The following DIAPH1 variants were observed in gnomAD, a reference collection of about 807,000 sequenced individuals.
DIAPH1 encodes diaphanous related formin 1.
DIAPH1 carries 46 observed loss-of-function variants against 140.7 expected under a neutral mutation model. That is an observed-to-expected ratio of 0.33 (90% confidence interval 0.26 to 0.42). The LOEUF (loss-of-function observed/expected upper bound fraction) is 0.42, where lower values mean the gene tolerates loss of function less well. Ranked by LOEUF, DIAPH1 falls within the 10% of genes least tolerant of loss-of-function variation. The pLI is 1.00. For missense variants in DIAPH1, 1,310 were observed against 1,558.7 expected, an observed-to-expected ratio of 0.84 and a Z score of 2.69; for synonymous variants, 565 against 551.6, an observed-to-expected ratio of 1.02 and a Z score of -0.34.
In DIAPH1 at chr5:141,596,060, T is replaced by G. The variant is rs556923402; in HGVS notation, c.118-7810A>C. 5.9e-5 allele frequency among the ~76,000 whole-genome samples: 9 copies of G among 152,258 alleles called. No individual in the cohort carries two copies. In the South Asian group the frequency reaches 6.2e-4, roughly 11 times the overall value. On this transcript the variant is annotated intron_variant, in intron 1 of 27. Coordinates refer to ENST00000389054, the MANE Select transcript of DIAPH1 (RefSeq NM_005219.5). Reference sequence around the variant, plus strand: ...TCAGCCAGGCATGGGCCAGCCGCGGTGGCTCACGCCTGTAATCCCAGCACT... The same window carrying G: ...TCAGCCAGGCATGGGCCAGCCGCGGGGGCTCACGCCTGTAATCCCAGCACT...
intron 2 of DIAPH1, among the ~76,000 whole-genome samples, chr5:141,587,909 T>C (rs1380020039): frequency 2.0e-5 from 3 of 152,232 alleles, no homozygotes; most frequent in Non-Finnish European, 4.4e-5. Context: ...AGCAACAGCT[T>C]ATCAGCTCTC....
intron 8 of DIAPH1, among the ~76,000 whole-genome samples, 196 bp from the exon 9 acceptor site, chr5:141,579,392 C>A (rs925409070): frequency 2.6e-5 from 4 of 152,212 alleles, no homozygotes; most frequent in African/African-American, 9.6e-5. Context: ...CAGGGAAATG[C>A]ATTCCCTACA....
intron 18 of DIAPH1, among the ~76,000 whole-genome samples, chr5:141,536,541 T>G (rs896180177): frequency 6.6e-6 from 1 of 151,986 alleles, no homozygotes; most frequent in Non-Finnish European, 1.5e-5. Flanking sequence ...GTATACTATA[T>G]TATCATAGCT....
intron 1 of DIAPH1, among the ~76,000 whole-genome samples, chr5:141,605,380 T>C (rs780179808): frequency 3.3e-5 from 5 of 152,102 alleles, no homozygotes; most frequent in Non-Finnish European, 5.9e-5. Flanking sequence ...AATAGAAATT[T>C]AGGGTTCTTA....
intron 1 of DIAPH1, among the ~76,000 whole-genome samples, chr5:141,611,355 C>T (rs1442552956): frequency 6.6e-6 from 1 of 152,098 alleles, no homozygotes; most frequent in Non-Finnish European, 1.5e-5. Context: ...AAATTGGACT[C>T]CATCAAAATT....
At chr5:141,544,883 C>T (rs2099890551) in intron 18 of DIAPH1, among the ~76,000 whole-genome samples, 3 of 152,212 alleles carry the variant, frequency 2.0e-5, no homozygotes, top group Admixed American at 2.0e-4. Flanking sequence ...ACCCAACAAT[C>T]TCATCCCTAG....
intron 20 of DIAPH1, 49 bp downstream of exon 20, chr5:141,529,554 C>G (rs2099887887): frequency 1.9e-5 from 27 of 1,435,662 alleles, no homozygotes; most frequent in Non-Finnish European, 2.6e-5. Flanking sequence ...GAGGCCAGTG[C>G]CCAGCGACAC....
chr5:141,586,998 T>A (rs747753433), intron 3 of DIAPH1, 44 bp downstream of exon 3: 89 of 1,610,728 alleles, frequency 5.5e-5, no homozygotes, highest in Non-Finnish European at 7.1e-5. Flanking sequence ...ACCATGTCCA[T>A]AAATGCACAG....
chr5:141,604,049 C>CTATAAA lies in DIAPH1; in HGVS notation c.117+14743_117+14748dup, dbSNP rs369998294. On this transcript the variant is annotated intron_variant, in intron 1 of 27. Coordinates refer to ENST00000389054, the MANE Select transcript of DIAPH1 (RefSeq NM_005219.5). ...TCCATACAAACTGCCAGTCCTTGCA[C>CTATAAA]TATAAAGCACACATGGTTTGGGCAA... 4.9e-3 allele frequency among the ~76,000 whole-genome samples: 751 copies of CTATAAA among 152,282 alleles called. 3 individuals are homozygous for CTATAAA. Among genetic ancestry groups the CTATAAA allele is most frequent in the Non-Finnish European group, 8.1e-3 (554 of 68,026 alleles).
chr5:141,594,758 C>T (rs866776639), intron 1 of DIAPH1, among the ~76,000 whole-genome samples: 7 of 150,490 alleles, frequency 4.7e-5, no homozygotes, highest in Middle Eastern at 3.6e-3. Context: ...AAGGAAAAGG[C>T]GGCCAGGTGC....
intron 18 of DIAPH1, among the ~76,000 whole-genome samples, chr5:141,560,469 C>T (rs898084318): frequency 6.6e-6 from 1 of 152,156 alleles, no homozygotes; most frequent in African/African-American, 2.4e-5. Context: ...TATTAATTCT[C>T]TTTTATATCT....
At chr5:141,519,696 GC>G (rs1333046203) in intron 27 of DIAPH1, among the ~76,000 whole-genome samples, 1 of 152,188 alleles carries the variant, frequency 6.6e-6, no homozygotes, top group Non-Finnish European at 1.5e-5. Context: ...AGCCTTGAAA[GC>G]CTATACACCA....
chr5:141,587,452 A>G (rs2099897711), intron 2 of DIAPH1: 2 of 510,740 alleles, frequency 3.9e-6, no homozygotes, highest in South Asian at 4.2e-5. Context: ...TTAAACTAGA[A>G]GAAACATTGT....
chr5:141,559,607 T>G (rs886823529), intron 18 of DIAPH1, among the ~76,000 whole-genome samples: 1 of 152,196 alleles, frequency 6.6e-6, no homozygotes, highest in Non-Finnish European at 1.5e-5. Flanking sequence ...ACCAAGCATT[T>G]GGTCTTTCAG....
Position 141,583,346 on chromosome 5 carries a change from CCAAA to C in DIAPH1, c.534-58_534-55del, listed in dbSNP as rs2099897054. On this transcript the variant is annotated intron_variant, in intron 5 of 27. Transcript: ENST00000389054. ...TATCAAACCAATAAATACTTATTTG[CCAAA>C]CAAAGTTTATCCTGACAACTTACTA... is the stretch of plus-strand genomic sequence containing the variant. The C allele has an allele frequency of 3.1e-6, 5 of 1,605,470 alleles. No individual in the cohort carries two copies. The South Asian group carries it at 4.4e-5, about 14-fold the overall frequency.
Position 141,573,640 on chromosome 5 carries a change from C to A in DIAPH1, c.2210G>T (p.Gly737Val). Residue 737 changes from glycine to valine, a missense_variant, in exon 16 of 28, where the codon GGC becomes GTC. Physicochemically the swap from Gly to Val is moderately radical, Grantham distance 109. Transcript: ENST00000389054. Reference sequence around the variant, plus strand: ...CATTCCGGGTGGAGGTGGAGGAATGCCAGGGCCTCCGGGAAATGGAGGAGG... The same window carrying A: ...CATTCCGGGTGGAGGTGGAGGAATGACAGGGCCTCCGGGAAATGGAGGAGG... ...PPPPPFPGGP[G>V]IPPPPPGMGM... 5 of 1,612,762 alleles carry A rather than the reference C, an allele frequency of 3.1e-6. No homozygotes were observed. Among genetic ancestry groups the A allele is most frequent in the Non-Finnish European group, 4.2e-6 (5 of 1,179,488 alleles).
At chr5:141,606,898 A>T (rs1214281885) in intron 1 of DIAPH1, among the ~76,000 whole-genome samples, 2 of 151,840 alleles carry the variant, frequency 1.3e-5, no homozygotes, top group Admixed American at 1.3e-4. Context: ...CAAAACTGTC[A>T]GTCTCCTATA....
At position 141,591,375 on chromosome 5, in the gene DIAPH1, T is replaced by C. The variant is rs1596396425; in HGVS notation, c.118-3125A>G. On this transcript the variant is annotated intron_variant, in intron 1 of 27. Coordinates refer to ENST00000389054, the MANE Select transcript of DIAPH1 (RefSeq NM_005219.5). Reference sequence around the variant, plus strand: ...CCCATTTCCAGACTAAGTTACTTGATGGCAGAGCCTGTAACTTAAGTCATT... The same window carrying C: ...CCCATTTCCAGACTAAGTTACTTGACGGCAGAGCCTGTAACTTAAGTCATT... 2.6e-5 allele frequency among the ~76,000 whole-genome samples: 4 copies of C among 152,028 alleles called. No homozygotes were observed. In the East Asian group the frequency reaches 7.7e-4, roughly 29 times the overall value.
chr5:141,531,378 T>C lies in DIAPH1; in HGVS notation c.2582-1681A>G, dbSNP rs554703145. On this transcript the variant is annotated intron_variant, in intron 19 of 27. Coordinates refer to ENST00000389054, the MANE Select transcript of DIAPH1 (RefSeq NM_005219.5). Reference sequence around the variant, plus strand: ...AAGCTAGAGTGCAGCAGTGCAGTCATAGCTCATGGCAGCCTGGACCTCCCA... The same window carrying C: ...AAGCTAGAGTGCAGCAGTGCAGTCACAGCTCATGGCAGCCTGGACCTCCCA... Among the ~76,000 whole-genome samples the C allele has an allele frequency of 2.7e-4, 41 of 152,042 alleles. 1 individual carries two copies. In the South Asian group the frequency reaches 4.2e-3, roughly 15 times the overall value.
Sources: allele counts gnomAD v4.1 joint callset (sites outside exome capture counted in the v4.1 genomes callset), GRCh38; gene constraint gnomAD v4.1.1; transcripts MANE v1.5; gene names NCBI Gene and HGNC (gene_info 2026-07-23, HGNC 2026-07-21).